EXOC6: variants seen among roughly 807,000 people sequenced by gnomAD.
EXOC6 encodes exocyst complex component 6, also known as SEC15-like 1.
A neutral mutation model predicts 112.5 loss-of-function variants in EXOC6; 60 were observed. The observed-to-expected ratio is 0.53, with a 90% CI of 0.43 to 0.66. The LOEUF is 0.66. EXOC6 is among the 30% of genes least tolerant of loss of function. The pLI, the probability that EXOC6 is intolerant of heterozygous loss-of-function variation, is 0.00. For synonymous variants in EXOC6, 295 were observed against 308.0 expected (o/e 0.96, Z 0.44); for missense variants, 855 against 957.1 (o/e 0.89, Z 1.41).
intron 20 of EXOC6, among the ~76,000 whole-genome samples, chr10:93,015,457 A>G (rs1262854126): frequency 6.6e-6 from 1 of 152,190 alleles, no homozygotes; most frequent in Non-Finnish European, 1.5e-5. Context: ...TTATAAGACA[A>G]TGAGTTGCCG....
At chr10:92,933,843 A>C (rs1300606609) in intron 9 of EXOC6, among the ~76,000 whole-genome samples, 1 of 150,944 alleles carries the variant, frequency 6.6e-6, no homozygotes, top group African/African-American at 2.4e-5. Context: ...TGGGGAGACT[A>C]TGTAGGAGGA....
At chr10:92,904,144 TC>T (rs1038658984) in intron 5 of EXOC6, among the ~76,000 whole-genome samples, 2 of 152,142 alleles carry the variant, frequency 1.3e-5, no homozygotes, top group African/African-American at 4.8e-5. Context: ...ATAACTTATT[TC>T]TTTTTTATCA....
intron 21 of EXOC6, 89 bp from the exon 22 acceptor site, chr10:93,058,134 T>C: frequency 8.4e-7 from 1 of 1,193,430 alleles, no homozygotes. Flanking sequence ...TAGTGTGGGA[T>C]AATTCAGAGC....
At chr10:92,835,256 T>C (rs777762022) in intron 1 of EXOC6, among the ~76,000 whole-genome samples, 2 of 152,236 alleles carry the variant, frequency 1.3e-5, no homozygotes, top group Non-Finnish European at 2.9e-5. Flanking sequence ...CTTGAGTGTA[T>C]GGTGACCATT....
At chr10:92,983,969 T>C (rs1268619980) in intron 18 of EXOC6, among the ~76,000 whole-genome samples, 4 of 152,170 alleles carry the variant, frequency 2.6e-5, no homozygotes, top group Non-Finnish European at 4.4e-5. Context: ...TACTATTATT[T>C]TTATCTTTAT....
At chr10:92,839,762 G>T (rs2133584696) in intron 1 of EXOC6, among the ~76,000 whole-genome samples, 1 of 151,996 alleles carries the variant, frequency 6.6e-6, no homozygotes, top group South Asian at 2.1e-4. Flanking sequence ...ATGTTTTGTG[G>T]CTGTAGCTGA....
chr10:92,836,629 C>T (rs1248216960), intron 1 of EXOC6, among the ~76,000 whole-genome samples: 2 of 152,148 alleles, frequency 1.3e-5, no homozygotes, highest in Non-Finnish European at 2.9e-5. Flanking sequence ...CCTAACAAGC[C>T]TTTATCTGGG....
In EXOC6 at chr10:92,928,352, C is replaced by T; in HGVS notation, c.902C>T (p.Thr301Ile). 1 of 1,605,950 alleles carries T rather than the reference C, an allele frequency of 6.2e-7. No individual in the cohort carries two copies. Residue 301 changes from threonine (T) to isoleucine (I), a missense_variant, in exon 9 of 22, where the codon ACA becomes ATA. Thr to Ile is a moderately conservative substitution (Grantham distance 89). Around this residue, in one of 2 missense-constraint regions of EXOC6, gnomAD observed 405 missense variants for 393.6 expected, o/e 1.03. Transcript: ENST00000260762. ...ATTTTATTTTAGGGTGACGAGGAAA[C>T]ATTTGAAAACTATTATCGAAAACAA... is the stretch of plus-strand genomic sequence containing the variant. ...HIYSVLGDEE[T>I]FENYYRKQRK...
At position 92,945,679 on chromosome 10, in the gene EXOC6, A is replaced by T. The variant is rs535556442; in HGVS notation, c.1311-2595A>T. Among the ~76,000 whole-genome samples the T allele has an allele frequency of 9.2e-5, 14 of 152,154 alleles. No homozygotes were observed. In the South Asian group the frequency reaches 2.9e-3, roughly 32 times the overall value. On this transcript the variant is annotated intron_variant, in intron 13 of 21. Transcript: ENST00000260762. ...AGTAGTTTATTGTCTTCTAGTAGTT[A>T]CTTTCCCTGTAACTTGCCTTTTAAC... is the stretch of plus-strand genomic sequence containing the variant.
At chr10:92,912,401 G>A (rs923990360) in intron 6 of EXOC6, among the ~76,000 whole-genome samples, 1 of 151,980 alleles carries the variant, frequency 6.6e-6, no homozygotes, top group Non-Finnish European at 1.5e-5. Context: ...GGGTCCAGGG[G>A]GGTCACTGCC....
chr10:92,912,176 A>T (rs1850824254), intron 6 of EXOC6, among the ~76,000 whole-genome samples: 1 of 151,642 alleles, frequency 6.6e-6, no homozygotes, highest in South Asian at 2.1e-4. Flanking sequence ...TGGACTTGTT[A>T]TGTATTAATT....
intron 14 of EXOC6, 49 bp downstream of exon 14, chr10:92,948,428 G>A (rs199979700): frequency 3.5e-6 from 4 of 1,132,398 alleles, no homozygotes; most frequent in Non-Finnish European, 5.1e-6. Flanking sequence ...TAAATTCATA[G>A]TATTTGTTAC....
At chr10:93,032,411 G>T (rs979096075) in intron 20 of EXOC6, among the ~76,000 whole-genome samples, 5 of 152,152 alleles carry the variant, frequency 3.3e-5, no homozygotes, top group African/African-American at 1.2e-4. Flanking sequence ...TCCAACTTGA[G>T]AACCATGGGT....
chr10:92,932,749 A>G (rs1454734277), intron 9 of EXOC6, among the ~76,000 whole-genome samples: 1 of 152,176 alleles, frequency 6.6e-6, no homozygotes, highest in Non-Finnish European at 1.5e-5. Flanking sequence ...TGAATAGCAA[A>G]AAAAGTATAA....
chr10:93,027,957 A>G (rs1391351557), intron 20 of EXOC6, among the ~76,000 whole-genome samples: 1 of 152,198 alleles, frequency 6.6e-6, no homozygotes, highest in Non-Finnish European at 1.5e-5. Context: ...GGTCTGGGCA[A>G]AGTCAACTGA....
At chr10:92,945,627 C>A (rs1852947852) in intron 13 of EXOC6, among the ~76,000 whole-genome samples, 1 of 152,200 alleles carries the variant, frequency 6.6e-6, no homozygotes, top group African/African-American at 2.4e-5. Context: ...TCCATAGTAA[C>A]TGGTTCCCTG....
intron 5 of EXOC6, 23 bp from the exon 6 acceptor site, chr10:92,909,404 T>C: frequency 1.3e-6 from 2 of 1,525,984 alleles, no homozygotes; most frequent in Non-Finnish European, 1.8e-6. Context: ...TTTTATAGAG[T>C]TTTCTTTTTT....
chr10:92,904,751 C>T (rs1223113800), intron 5 of EXOC6, among the ~76,000 whole-genome samples: 1 of 151,914 alleles, frequency 6.6e-6, no homozygotes, highest in Admixed American at 6.6e-5. Flanking sequence ...ATTTTCTTAA[C>T]AGTGTTTTTA....
intron 20 of EXOC6, among the ~76,000 whole-genome samples, chr10:93,031,616 G>A (rs1450435388): frequency 6.7e-6 from 1 of 148,776 alleles, no homozygotes; most frequent in African/African-American, 2.5e-5. Flanking sequence ...AGGTTCAAGC[G>A]ATTTTCCTGC....
Sources: allele counts gnomAD v4.1 joint callset (sites outside exome capture counted in the v4.1 genomes callset), GRCh38; gene constraint gnomAD v4.1.1; regional missense constraint gnomAD v4.1.1; transcripts MANE v1.5; gene names NCBI Gene and HGNC (gene_info 2026-07-23, HGNC 2026-07-21).